TTC34: variants seen among roughly 807,000 people sequenced by gnomAD.
TTC34 encodes tetratricopeptide repeat domain 34, also known as tetratricopeptide repeat protein 34.
In TTC34, 44 loss-of-function variants were observed where a neutral mutation model predicts 40.7. That is an observed-to-expected ratio of 1.08 (90% CI 0.85 to 1.39). The LOEUF is 1.39. Ranked by LOEUF, TTC34 falls within the 40% of genes most tolerant of loss-of-function variation. The pLI is 0.00. For synonymous variants in TTC34, 422 were observed against 398.6 expected, an observed-to-expected ratio of 1.06 and a Z score of -0.70; for missense variants, 884 against 838.0, an observed-to-expected ratio of 1.05 and a Z score of -0.68.
At chr1:2,652,247 C>T (rs1436699329) in intron 6 of TTC34, among the ~76,000 whole-genome samples, 1 of 151,232 alleles carries the variant, frequency 6.6e-6, no homozygotes, top group South Asian at 2.1e-4. Flanking sequence ...CACCCACACC[C>T]CCAGGTGAGC....
At chr1:2,695,358 C>CGAGGCAAGCATCTGACAGCCTGGAACAG (rs1640813772) in intron 6 of TTC34, among the ~76,000 whole-genome samples, 1 of 100,656 alleles carries the variant, frequency 9.9e-6, no homozygotes, top group Non-Finnish European at 2.0e-5. Context: ...TCCCACACCC[C>CGAGGCAAGCATCTGACAGCCTGGAACAG]CAGGTGAGCA....
intron 6 of TTC34, among the ~76,000 whole-genome samples, chr1:2,647,302 G>T (rs982213822): frequency 2.2e-4 from 34 of 152,080 alleles, no homozygotes; most frequent in Admixed American, 3.9e-4. Context: ...GTCACTGAAG[G>T]TTTCTTCATT....
chr1:2,796,735 G>A lies in TTC34; in HGVS notation c.784+3309C>T, dbSNP rs181577550. Among the ~76,000 whole-genome samples, 114 of 152,248 alleles carry A rather than the reference G, an allele frequency of 7.5e-4. No homozygotes were observed. Among genetic ancestry groups the A allele is most frequent in the Non-Finnish European group, 1.4e-3 (96 of 68,018 alleles). On this transcript the variant is annotated intron_variant, in intron 2 of 8. Coordinates refer to ENST00000401095, the Ensembl canonical transcript of TTC34. The surrounding 1 kb of genome is among the most constrained non-coding windows in gnomAD (Gnocchi z 4.5). The stretch of plus-strand genomic sequence containing the variant: ...CTGAGTGCCTGTGCTCTGGGCACCC[G>A]GGGTCCCCTCCTTCCTCAGAAGCTC...
chr1:2,684,505 CGG>C (rs1640228841), intron 6 of TTC34, among the ~76,000 whole-genome samples: 2 of 134,056 alleles, frequency 1.5e-5, no homozygotes, highest in African/African-American at 6.2e-5. Context: ...TGGCCTGGAA[CGG>C]CACCCACACC....
At chr1:2,639,960 C>A (rs1381742232) in exon 9 of TTC34, 2 of 152,332 alleles carry the variant, frequency 1.3e-5, no homozygotes, top group Non-Finnish European at 2.9e-5. Flanking sequence ...CACTTCCATG[C>A]AGGGCGAGGA....
At chr1:2,773,257 C>A (rs1245506689) in intron 6 of TTC34, among the ~76,000 whole-genome samples, 54 of 121,788 alleles carry the variant, frequency 4.4e-4, no homozygotes, top group African/African-American at 1.4e-3. Flanking sequence ...AGCACCCACA[C>A]CCCCAGGTGA....
intron 6 of TTC34, among the ~76,000 whole-genome samples, chr1:2,684,391 C>G (rs1332338342): frequency 2.0e-5 from 3 of 149,886 alleles, no homozygotes; most frequent in Admixed American, 1.3e-4. Flanking sequence ...GAACAGAATC[C>G]ACACCCCCAG....
At chr1:2,751,875 G>C (rs1350618420) in intron 6 of TTC34, among the ~76,000 whole-genome samples, 1 of 112,650 alleles carries the variant, frequency 8.9e-6, no homozygotes, top group African/African-American at 4.1e-5. Context: ...CGACAGCCTG[G>C]AGCAGCACCC....
chr1:2,778,851 T>C (rs1247435895), intron 6 of TTC34, among the ~76,000 whole-genome samples: 7 of 152,204 alleles, frequency 4.6e-5, no homozygotes, highest in Non-Finnish European at 7.3e-5. Context: ...CCACCATCCC[T>C]TTCCAGAACT....
chr1:2,759,704 G>T (rs1641630930), intron 6 of TTC34, among the ~76,000 whole-genome samples: 3 of 126,016 alleles, frequency 2.4e-5, no homozygotes, highest in Admixed American at 7.4e-5. Context: ...CGACAGCCTG[G>T]AGCAGGACCC....
intron 6 of TTC34, among the ~76,000 whole-genome samples, chr1:2,683,281 G>C (rs1197843334): frequency 6.6e-6 from 1 of 151,766 alleles, no homozygotes; most frequent in African/African-American, 2.4e-5. Flanking sequence ...CCACAGGTGA[G>C]CATCTGACAG....
Position 2,772,763 on chromosome 1 carries a change from A to G in TTC34, c.2226+10846T>C, listed in dbSNP as rs563569748. 7.8e-5 allele frequency among the ~76,000 whole-genome samples: 4 copies of G among 51,448 alleles called. No homozygotes were observed. The East Asian group carries it at 6.2e-3, about 79-fold the overall frequency. 33.8% of individuals were successfully genotyped at this position (51,448 alleles called of 152,430 possible). On this transcript the variant is annotated intron_variant, in intron 6 of 8. Coordinates refer to ENST00000401095, the Ensembl canonical transcript of TTC34. Reference sequence around the variant, plus strand: ...AGGGGAGCATCTGACAGTCTGGAACAGCACTCCACACCCCCAGGTGAGCAT... The same window carrying G: ...AGGGGAGCATCTGACAGTCTGGAACGGCACTCCACACCCCCAGGTGAGCAT...
chr1:2,644,225 G>T, intron 8 of TTC34, 39 bp downstream of exon 8: 1 of 1,513,626 alleles, frequency 6.6e-7, no homozygotes, highest in Non-Finnish European at 8.9e-7. Flanking sequence ...GTGTGCTGGG[G>T]AAGGTTGGGG....
At chr1:2,759,917 TG>T in intron 6 of TTC34, among the ~76,000 whole-genome samples, 1 of 121,960 alleles carries the variant, frequency 8.2e-6, no homozygotes, top group South Asian at 2.9e-4. Flanking sequence ...AACATCACCC[TG>T]CACCCCCAGG....
At chr1:2,697,600 C>CCTG in intron 6 of TTC34, among the ~76,000 whole-genome samples, 1 of 150,936 alleles carries the variant, frequency 6.6e-6, no homozygotes, top group Non-Finnish European at 1.5e-5. Flanking sequence ...GAAACAGCTC[C>CCTG]CACAACCCCA....
At chr1:2,691,268 G>T (rs533218149) in intron 6 of TTC34, among the ~76,000 whole-genome samples, 517 of 88,366 alleles carry the variant, frequency 5.9e-3, no homozygotes, top group Non-Finnish European at 0.012. Context: ...ACACCCCCAG[G>T]TGAGAATCCG....
chr1:2,789,020 G>C (rs940251383), intron 3 of TTC34, among the ~76,000 whole-genome samples: 1 of 152,168 alleles, frequency 6.6e-6, no homozygotes, highest in Non-Finnish European at 1.5e-5. Context: ...GGAGGTTGCA[G>C]CAAGCCAAGA....
intron 6 of TTC34, among the ~76,000 whole-genome samples, chr1:2,750,048 C>G: frequency 1.4e-5 from 1 of 71,252 alleles, no homozygotes; most frequent in Non-Finnish European, 2.6e-5. Context: ...CCCACACCCT[C>G]AGGTGAGCAT....
chr1:2,642,761 C>T (rs1470012570), intron 8 of TTC34, among the ~76,000 whole-genome samples: 3 of 152,210 alleles, frequency 2.0e-5, no homozygotes, highest in African/African-American at 7.2e-5. Context: ...GGGGGCGCAG[C>T]GCACCCAGGA....
Sources: allele counts gnomAD v4.1 joint callset (sites outside exome capture counted in the v4.1 genomes callset), GRCh38; gene constraint gnomAD v4.1.1; non-coding constraint Gnocchi (gnomAD v3.1); transcripts MANE v1.5; gene names NCBI Gene and HGNC (gene_info 2026-07-23, HGNC 2026-07-21).